PLEKHA3: variants seen among roughly 807,000 people sequenced by gnomAD.
PLEKHA3 encodes pleckstrin homology domain containing A3, also known as pleckstrin homology domain-containing family A member 3.
Under a neutral mutation model 39.2 loss-of-function variants are expected in PLEKHA3, and 19 were observed. The observed-to-expected ratio is 0.48, with a 90% confidence interval of 0.34 to 0.71. PLEKHA3 has a LOEUF of 0.71. PLEKHA3 is among the 30% of genes least tolerant of loss of function. The probability of loss-of-function intolerance (pLI) is 0.01; values close to 1 mark genes in which losing one functional copy is unlikely to be tolerated. For missense variants in PLEKHA3, 253 were observed against 359.5 expected (o/e 0.70, Z 2.40); for synonymous variants, 97 against 118.6 (o/e 0.82, Z 1.18).
chr2:178,495,866 TCTC>T (rs1685435272), intron 5 of PLEKHA3, among the ~76,000 whole-genome samples: 1 of 152,160 alleles, frequency 6.6e-6, no homozygotes, highest in African/African-American at 2.4e-5. Context: ...CTCATTCCCT[TCTC>T]CTTGGAGGGG....
In PLEKHA3 at chr2:178,511,410, G is replaced by A. The variant is rs1046906655; in HGVS notation, c.*7523G>A. ...TTTTTTTGAGACAGAGTCTCACTCT[G>A]TAGCCCAAGTTAGAGTGCAGTGACA... On this transcript the variant is annotated 3_prime_UTR_variant, in exon 8 of 8. Coordinates refer to ENST00000234453, the MANE Select transcript of PLEKHA3 (RefSeq NM_019091.4). 7.4e-6 allele frequency: 1 copy of A among 134,482 alleles called. No homozygotes were observed. Among genetic ancestry groups the A allele is most frequent in the African/African-American group, 2.8e-5 (1 of 35,558 alleles). The allele number at this position is 134,482 out of a possible 1,614,324, so 8.3% of individuals were successfully genotyped here. A position where few individuals can be genotyped will look rare whatever the true frequency, so the allele number is the denominator to read the frequency against.
At chr2:178,498,878 T>A (rs1685487629) in intron 5 of PLEKHA3, among the ~76,000 whole-genome samples, 1 of 152,102 alleles carries the variant, frequency 6.6e-6, no homozygotes, top group Non-Finnish European at 1.5e-5. Context: ...CACATTTATA[T>A]CTTATTTATA....
intron 1 of PLEKHA3, among the ~76,000 whole-genome samples, chr2:178,485,302 T>A (rs916901991): frequency 6.6e-6 from 1 of 152,210 alleles, no homozygotes; most frequent in African/African-American, 2.4e-5. Context: ...CCAACTCTGT[T>A]CCTTTTTAGG....
Position 178,506,785 on chromosome 2 carries a change from A to T in PLEKHA3, c.*2898A>T, listed in dbSNP as rs1371624740. ...CAGAGGGAGTGTCCTGGCCTGAAAG[A>T]AAGCCAGATTAGGCTGCAGGAGTTC... On this transcript the variant is annotated 3_prime_UTR_variant, in exon 8 of 8. Coordinates refer to ENST00000234453, the MANE Select transcript of PLEKHA3 (RefSeq NM_019091.4). 2 of 152,208 alleles carry T rather than the reference A, an allele frequency of 1.3e-5. No homozygotes were observed. The highest frequency in any genetic ancestry group is 2.9e-5 in the Non-Finnish European group (2 of 68,050). The allele number at this position is 152,208 out of a possible 1,614,324, so 9.4% of individuals were successfully genotyped here. A position where few individuals can be genotyped will look rare whatever the true frequency, so the allele number is the denominator to read the frequency against.
At position 178,504,246 on chromosome 2, in the gene PLEKHA3, T is replaced by C. The variant is rs141012628; in HGVS notation, c.*359T>C. The C allele has an allele frequency of 0.01, 1,698 of 167,458 alleles. 23 individuals carry two copies. The highest frequency in any genetic ancestry group is 0.037 in the African/African-American group (1,567 of 41,980). The allele number at this position is 167,458 out of a possible 1,614,324, so 10.4% of individuals were successfully genotyped here. On this transcript the variant is annotated 3_prime_UTR_variant, in exon 8 of 8. Transcript: ENST00000234453. Reference sequence around the variant, plus strand: ...TGTAGCTTATAAACATGAAATCTTATAAGGTTTCAGTTTGACAGAAGTGTG... The same window carrying C: ...TGTAGCTTATAAACATGAAATCTTACAAGGTTTCAGTTTGACAGAAGTGTG...
Position 178,515,327 on chromosome 2 carries a change from G to C in PLEKHA3, c.*11440G>C, listed in dbSNP as rs1439187505. On this transcript the variant is annotated 3_prime_UTR_variant, in exon 8 of 8. Coordinates refer to ENST00000234453, the MANE Select transcript of PLEKHA3 (RefSeq NM_019091.4). ...CTACCTGTCCTGAAGAGCTCTTATG[G>C]AAATCATGGTTGAATGTTAGTAAAT... is the stretch of plus-strand genomic sequence containing the variant. 1 of 151,966 alleles carries C rather than the reference G, an allele frequency of 6.6e-6. No individual in the cohort carries two copies. The highest frequency in any genetic ancestry group is 1.5e-5 in the Non-Finnish European group (1 of 67,994). 9.4% of individuals were successfully genotyped at this position (151,966 alleles called of 1,614,324 possible).
chr2:178,491,277 C>T (rs982864534), intron 3 of PLEKHA3, among the ~76,000 whole-genome samples: 4 of 152,186 alleles, frequency 2.6e-5, no homozygotes, highest in African/African-American at 9.7e-5. Flanking sequence ...TCCCAAAGTG[C>T]TGGGATTACA....
chr2:178,481,322 A>G (rs1263261012), intron 1 of PLEKHA3, among the ~76,000 whole-genome samples: 2 of 152,142 alleles, frequency 1.3e-5, no homozygotes, highest in Admixed American at 6.6e-5. Context: ...TTTAATTTTA[A>G]TTCTTTTTTG....
rs1457497879 is a variant in PLEKHA3 at position 178,485,564 on chromosome 2, G to A, written c.41-77G>A. 3 of 871,376 alleles carry A rather than the reference G, an allele frequency of 3.4e-6. No individual in the cohort carries two copies. The Admixed American group carries it at 6.0e-5, about 18-fold the overall frequency. The allele number at this position is 871,376 out of a possible 1,614,324, so 54.0% of individuals were successfully genotyped here. ...AGCCAAGAAATAATGTGGATGGCAGGTTTTGAAATCACAGTTTTCTATGTG... is the reference window on the plus strand; with the variant it reads ...AGCCAAGAAATAATGTGGATGGCAGATTTTGAAATCACAGTTTTCTATGTG... On this transcript the variant is annotated intron_variant, in intron 1 of 7. Coordinates refer to ENST00000234453, the MANE Select transcript of PLEKHA3 (RefSeq NM_019091.4).
chr2:178,494,189 A>T (rs1263994376), intron 4 of PLEKHA3, among the ~76,000 whole-genome samples, 200 bp downstream of exon 4: 1 of 152,186 alleles, frequency 6.6e-6, no homozygotes, highest in Non-Finnish European at 1.5e-5. Flanking sequence ...ATGAAGTAGC[A>T]TATTTCTCCA....
In PLEKHA3 at chr2:178,505,434, ACTACT is replaced by A. The variant is rs1685588452; in HGVS notation, c.*1551_*1555del. On this transcript the variant is annotated 3_prime_UTR_variant, in exon 8 of 8. Coordinates refer to ENST00000234453, the MANE Select transcript of PLEKHA3 (RefSeq NM_019091.4). The stretch of plus-strand genomic sequence containing the variant: ...TTTTAAATAACACACAGGTCATCAG[ACTACT>A]CTATATTCAGTGGAGTCTTTGCCTG... 1 of 151,946 alleles carries A rather than the reference ACTACT, an allele frequency of 6.6e-6. No homozygotes were observed. The highest frequency in any genetic ancestry group is 1.5e-5 in the Non-Finnish European group (1 of 67,862). The allele number at this position is 151,946 out of a possible 1,614,324, so 9.4% of individuals were successfully genotyped here.
At chr2:178,498,978 A>G (rs1685490084) in intron 5 of PLEKHA3, among the ~76,000 whole-genome samples, 1 of 152,066 alleles carries the variant, frequency 6.6e-6, no homozygotes, top group Admixed American at 6.6e-5. Context: ...AAAAGAATCC[A>G]GCATGTTTTT....
At chr2:178,491,654 T>C (rs1470410178) in intron 3 of PLEKHA3, among the ~76,000 whole-genome samples, 1 of 152,266 alleles carries the variant, frequency 6.6e-6, no homozygotes, top group African/African-American at 2.4e-5. Flanking sequence ...ACAGATATAA[T>C]GTGAAAATGA....
intron 4 of PLEKHA3, 56 bp from the exon 5 acceptor site, chr2:178,495,440 A>G: frequency 6.6e-7 from 1 of 1,506,112 alleles, no homozygotes; most frequent in Non-Finnish European, 9.2e-7. Flanking sequence ...ATAAGGTTGT[A>G]TATGATTCCA....
rs779884458 is a variant in PLEKHA3, at chr2:178,510,917, T to A, written c.*7030T>A. 1.3e-5 allele frequency: 2 copies of A among 152,336 alleles called. No homozygotes were observed. The highest frequency in any genetic ancestry group is 4.1e-4 in the South Asian group (2 of 4,826). 9.4% of individuals were successfully genotyped at this position (152,336 alleles called of 1,614,324 possible). ...AATTTAAATACTATGTTCAATTTTT[T>A]TAATGGTCTGCTTCAGATTTTTTTT... On this transcript the variant is annotated 3_prime_UTR_variant, in exon 8 of 8. Transcript: ENST00000234453.
intron 7 of PLEKHA3, among the ~76,000 whole-genome samples, chr2:178,502,726 G>A (rs1685543186): frequency 6.6e-6 from 1 of 151,102 alleles, no homozygotes; most frequent in Admixed American, 6.6e-5. Context: ...AAAGATCTAG[G>A]TGTACATGCT....
rs1685145831 is a variant in PLEKHA3 at position 178,480,785 on chromosome 2, G to T, written c.-85G>T. 8.3e-7 allele frequency: 1 copy of T among 1,208,562 alleles called. No homozygotes were observed. Among genetic ancestry groups the T allele is most frequent in the Non-Finnish European group, 1.1e-6 (1 of 939,718 alleles). 74.9% of individuals were successfully genotyped at this position (1,208,562 alleles called of 1,614,324 possible). ...CGGCGGAGGGGGCCCGGGCGGGCCGGGAGGGGCTGCCCCAGGCCCTGCGCC... is the reference window on the plus strand; with the variant it reads ...CGGCGGAGGGGGCCCGGGCGGGCCGTGAGGGGCTGCCCCAGGCCCTGCGCC... On this transcript the variant is annotated 5_prime_UTR_variant, in exon 1 of 8. Transcript: ENST00000234453.
In PLEKHA3 at chr2:178,480,807, C is replaced by G. The variant is rs1443643274; in HGVS notation, c.-63C>G. On this transcript the variant is annotated 5_prime_UTR_variant, in exon 1 of 8. Transcript: ENST00000234453. ...CCGGGAGGGGCTGCCCCAGGCCCTG[C>G]GCCTACCCCATCACCGCGGCCGGCG... 1 of 1,293,692 alleles carries G rather than the reference C, an allele frequency of 7.7e-7. No homozygotes were observed. Among genetic ancestry groups the G allele is most frequent in the Non-Finnish European group, 9.9e-7 (1 of 1,005,250 alleles). 80.1% of individuals were successfully genotyped at this position (1,293,692 alleles called of 1,614,324 possible). A position where few individuals can be genotyped will look rare whatever the true frequency, so the allele number is the denominator to read the frequency against.
At position 178,513,048 on chromosome 2, in the gene PLEKHA3, G is replaced by A. The variant is rs1367533755; in HGVS notation, c.*9161G>A. 1 of 143,352 alleles carries A rather than the reference G, an allele frequency of 7.0e-6. No individual in the cohort carries two copies. The highest frequency in any genetic ancestry group is 1.5e-5 in the Non-Finnish European group (1 of 65,266). 8.9% of individuals were successfully genotyped at this position (143,352 alleles called of 1,614,324 possible). A position where few individuals can be genotyped will look rare whatever the true frequency, so the allele number is the denominator to read the frequency against. Reference sequence around the variant, plus strand: ...TAAACAGTGGCACTTTTTTTTTTTTGAGACAGAGTCTCACCCTGTCGCCCA... The same window carrying A: ...TAAACAGTGGCACTTTTTTTTTTTTAAGACAGAGTCTCACCCTGTCGCCCA... On this transcript the variant is annotated 3_prime_UTR_variant, in exon 8 of 8. Coordinates refer to ENST00000234453, the MANE Select transcript of PLEKHA3 (RefSeq NM_019091.4).
Sources: gnomAD v4.1 joint callset for allele counts (sites outside exome capture counted in the v4.1 genomes callset) on GRCh38, gnomAD v4.1.1 for gene constraint, MANE v1.5 for transcripts, NCBI Gene and HGNC (gene_info 2026-07-23, HGNC 2026-07-21) for gene names.